The following DOCK8 variants were observed in gnomAD, a reference collection of about 807,000 sequenced individuals.
The protein encoded by DOCK8 is dedicator of cytokinesis protein 8.
A neutral mutation model predicts 245.6 loss-of-function variants in DOCK8; 141 were observed. That is an observed-to-expected ratio of 0.57 (90% CI 0.50 to 0.66). The LOEUF (loss-of-function observed/expected upper bound fraction) is 0.66, where lower values mean the gene tolerates loss of function less well. DOCK8 is among the 30% of genes least tolerant of loss of function. The pLI, the probability that DOCK8 is intolerant of heterozygous loss-of-function variation, is 0.00. For synonymous variants in DOCK8, 1,168 were observed against 970.2 expected (o/e 1.20, Z -3.79); for missense variants, 2,965 against 2,603.4 (o/e 1.14, Z -3.02).
At chr9:439,475 A>G in intron 40 of DOCK8, 87 bp downstream of exon 40, 1 of 1,557,594 alleles carries the variant, frequency 6.4e-7, no homozygotes, top group Non-Finnish European at 8.7e-7. Context: ...TTAATGGCCC[A>G]GTCAGCCCCA....
chr9:433,574 G>A (rs1253110155), intron 37 of DOCK8, among the ~76,000 whole-genome samples: 1 of 152,126 alleles, frequency 6.6e-6, no homozygotes, highest in African/African-American at 2.4e-5. Flanking sequence ...GAACTTTTCA[G>A]GTTACAAATA....
intron 1 of DOCK8, among the ~76,000 whole-genome samples, chr9:230,641 C>G (rs2047093047): frequency 6.6e-6 from 1 of 151,924 alleles, no homozygotes; most frequent in South Asian, 2.1e-4. Flanking sequence ...TTGCATTTCT[C>G]TGATGGCCAG....
At chr9:273,473 C>G (rs1369672556) in intron 2 of DOCK8, among the ~76,000 whole-genome samples, 1 of 151,900 alleles carries the variant, frequency 6.6e-6, no homozygotes, top group Non-Finnish European at 1.5e-5. Flanking sequence ...AGTTGTATTC[C>G]AAAACATGCA....
chr9:371,481 T>G lies in DOCK8; in HGVS notation c.1922T>G (p.Val641Gly), dbSNP rs1218577969. ...ATTAAGCTCCCCGCTAAGCTCACAG[T>G]AAATCACCACCTCCTGTTCACCTTC... The part of the protein sequence containing the change: ...VKIKLPAKLT[V>G]NHHLLFTFYH... The change falls in exon 17 of 48, where the codon GTA becomes GGA. Residue 641 changes from valine (V) to glycine (G), a missense_variant. Transcript: ENST00000432829. 2 of 1,614,190 alleles carry G rather than the reference T, an allele frequency of 1.2e-6. No homozygotes were observed. Among genetic ancestry groups the G allele is most frequent in the Admixed American group, 1.7e-5 (1 of 60,026 alleles).
rs912009104 is a variant in DOCK8 at position 383,789 on chromosome 9, C to T, written c.2778+1104C>T. ...ACTGACATCCTGAGAGGGTTGATGG[C>T]TTGCCCTATGTTGTTTTTCCCTCTA... On this transcript the variant is annotated intron_variant, in intron 22 of 47. Transcript: ENST00000432829. Among the ~76,000 whole-genome samples the T allele has an allele frequency of 2.7e-5, 4 of 149,914 alleles. No individual in the cohort carries two copies. In the East Asian group the frequency reaches 8.0e-4, roughly 30 times the overall value.
intron 28 of DOCK8, among the ~76,000 whole-genome samples, chr9:411,728 A>G (rs967384418): frequency 6.6e-6 from 1 of 152,180 alleles, no homozygotes; most frequent in Non-Finnish European, 1.5e-5. Flanking sequence ...GCATATAAAA[A>G]GGATTATACA....
At chr9:420,709 C>T in intron 31 of DOCK8, 126 bp downstream of exon 31, 1 of 1,319,562 alleles carries the variant, frequency 7.6e-7, no homozygotes. Context: ...GTATTCAAAT[C>T]CATAACCCAT....
intron 29 of DOCK8, among the ~76,000 whole-genome samples, chr9:415,690 G>A (rs74619042): frequency 0.18 from 25,769 of 140,154 alleles, 2,910 homozygotes; most frequent in East Asian, 0.51. Flanking sequence ...GTGTGCGCGC[G>A]TGCACACACA....
intron 15 of DOCK8, chr9:368,403 C>G (rs1047101954): frequency 1.5e-6 from 1 of 663,294 alleles, no homozygotes; most frequent in African/African-American, 1.8e-5. Context: ...TCTTTCCATA[C>G]TGCCCATAGG....
At chr9:332,282 C>G (rs1019758956) in intron 9 of DOCK8, 116 bp from the exon 10 acceptor site, 13 of 711,400 alleles carry the variant, frequency 1.8e-5, no homozygotes, top group Non-Finnish European at 3.2e-5. Context: ...ATATGTATCA[C>G]AGATAGCTTC....
chr9:389,619 GCAC>G (rs974413906), intron 23 of DOCK8, among the ~76,000 whole-genome samples: 1 of 147,874 alleles, frequency 6.8e-6, no homozygotes, highest in African/African-American at 2.6e-5. Context: ...AGCAGCAGCA[GCAC>G]CCAGGAACTT....
chr9:232,246 C>T (rs1338709833), intron 1 of DOCK8, among the ~76,000 whole-genome samples: 1 of 152,058 alleles, frequency 6.6e-6, no homozygotes, highest in African/African-American at 2.4e-5. Flanking sequence ...GGGATGAAGC[C>T]CACTTGATCA....
intron 1 of DOCK8, among the ~76,000 whole-genome samples, chr9:233,334 G>A: frequency 6.6e-6 from 1 of 152,112 alleles, no homozygotes; most frequent in Non-Finnish European, 1.5e-5. Flanking sequence ...GTCAATTTTG[G>A]AATAGGTGTG....
chr9:425,761 G>GGAA (rs549169642), intron 33 of DOCK8, among the ~76,000 whole-genome samples: 33 of 101,136 alleles, frequency 3.3e-4, no homozygotes, highest in African/African-American at 1.1e-3. Context: ...TGTCTCTAAG[G>GGAA]AAAAAAAAAA....
In DOCK8 at chr9:291,875, T is replaced by G. The variant is rs1374182432; in HGVS notation, c.404+2294T>G. 2.6e-5 allele frequency among the ~76,000 whole-genome samples: 4 copies of G among 151,330 alleles called. No individual in the cohort carries two copies. In the East Asian group the frequency reaches 7.8e-4, roughly 29 times the overall value. ...TGAACCCAGGAGTTCAAGACCAGCC[T>G]AGGCAATATACAGAGACCCCACCTC... On this transcript the variant is annotated intron_variant, in intron 4 of 47. Transcript: ENST00000432829.
intron 1 of DOCK8, among the ~76,000 whole-genome samples, chr9:220,350 A>G (rs1175586708): frequency 6.6e-6 from 1 of 152,172 alleles, no homozygotes; most frequent in Non-Finnish European, 1.5e-5. Context: ...AGTTCTGACC[A>G]TTTATGTATA....
rs2054998670 is a variant in DOCK8 at position 400,904 on chromosome 9, ACCAACAGC to A, written c.3234+1646_3234+1653del. On this transcript the variant is annotated intron_variant, in intron 26 of 47. Transcript: ENST00000432829. ...CTCCACCACCACCACCTCCCCCACTACCAACAGCTCCTTCACCATCACCACAACATCCA... is the reference window on the plus strand; with the variant it reads ...CTCCACCACCACCACCTCCCCCACTATCCTTCACCATCACCACAACATCCA... Among the ~76,000 whole-genome samples, 2 of 110,586 alleles carry A rather than the reference ACCAACAGC, an allele frequency of 1.8e-5. 1 individual carries two copies. The highest frequency in any genetic ancestry group is 8.6e-4 in the East Asian group (2 of 2,316). 72.5% of individuals were successfully genotyped at this position (110,586 alleles called of 152,430 possible). A position where few individuals can be genotyped will look rare whatever the true frequency, so the allele number is the denominator to read the frequency against.
chr9:216,288 G>A (rs1256602100), intron 1 of DOCK8, among the ~76,000 whole-genome samples: 3 of 152,116 alleles, frequency 2.0e-5, no homozygotes, highest in Non-Finnish European at 2.9e-5. Context: ...CCAGCAATTT[G>A]GGAGGCCCAG....
In DOCK8 at chr9:452,094, AT is replaced by A; in HGVS notation, c.6046del (p.Cys2016AlafsTer7). ...LYRHHNKLRL[C>X]FKEFIMRCGE... is the part of the protein sequence containing the mutation. ...ATCGACATCACAACAAGTTGAGGTT[AT>A]GCTTTAAGGAATTCATCATGAGGTA... On this transcript the variant is annotated frameshift_variant, in exon 46 of 48. Coordinates refer to ENST00000432829, the MANE Select transcript of DOCK8 (RefSeq NM_203447.4). LOFTEE classifies it high-confidence loss of function. 6.2e-7 allele frequency: 1 copy of A among 1,609,512 alleles called. No individual in the cohort carries two copies.
Sources: gnomAD v4.1 joint callset for allele counts (sites outside exome capture counted in the v4.1 genomes callset) on GRCh38, gnomAD v4.1.1 for gene constraint, MANE v1.5 for transcripts, NCBI Gene and HGNC (gene_info 2026-07-23, HGNC 2026-07-21) for gene names.